The following PHACTR1 variants were observed in gnomAD, a reference collection of about 807,000 sequenced individuals.
The protein encoded by PHACTR1 is RPEL repeat containing 1.
PHACTR1 carries 16 observed loss-of-function variants against 69.2 expected under a neutral mutation model. The observed-to-expected ratio is 0.23, with a 90% CI of 0.16 to 0.35. PHACTR1 has a LOEUF of 0.35. Ranked by LOEUF, PHACTR1 falls within the 10% of genes least tolerant of loss-of-function variation. The pLI, the probability that PHACTR1 is intolerant of heterozygous loss-of-function variation, is 1.00. For missense variants in PHACTR1, 510 were observed against 734.7 expected (o/e 0.69, Z 3.54); for synonymous variants, 312 against 284.5 (o/e 1.10, Z -0.97).
At chr6:12,869,855 C>T (rs952747188) in intron 4 of PHACTR1, among the ~76,000 whole-genome samples, 35 of 152,156 alleles carry the variant, frequency 2.3e-4, no homozygotes, top group African/African-American at 8.4e-4. Context: ...AGTGTAAAGT[C>T]AATGAACTTG....
intron 4 of PHACTR1, among the ~76,000 whole-genome samples, chr6:12,780,736 G>C (rs1378656449): frequency 6.6e-6 from 1 of 152,140 alleles, no homozygotes; most frequent in Non-Finnish European, 1.5e-5. Context: ...ACCTGAAAAA[G>C]GCATCCAGGT....
intron 4 of PHACTR1, among the ~76,000 whole-genome samples, chr6:12,894,379 C>T (rs1347673339): frequency 6.6e-6 from 1 of 152,124 alleles, no homozygotes; most frequent in African/African-American, 2.4e-5. Flanking sequence ...CAAAGGCAGG[C>T]AGATCACTTG....
At chr6:12,965,757 A>G (rs1463193086) in intron 4 of PHACTR1, among the ~76,000 whole-genome samples, 1 of 152,182 alleles carries the variant, frequency 6.6e-6, no homozygotes, top group African/African-American at 2.4e-5. Context: ...GTCACCTTGC[A>G]TTTCCTCCAG....
intron 4 of PHACTR1, among the ~76,000 whole-genome samples, chr6:12,851,216 G>A (rs1173740327): frequency 6.6e-6 from 1 of 152,184 alleles, no homozygotes; most frequent in African/African-American, 2.4e-5. Flanking sequence ...CCAGGGAAGT[G>A]GGTGCTGAGC....
chr6:12,784,788 C>T (rs1464883912), intron 4 of PHACTR1, among the ~76,000 whole-genome samples: 1 of 151,886 alleles, frequency 6.6e-6, no homozygotes, highest in African/African-American at 2.4e-5. Flanking sequence ...GATCTTGGCT[C>T]ACCGCAACCT....
rs549428710 is a variant in PHACTR1 at position 13,188,219 on chromosome 6, G to A, written c.664+5533G>A. Among the ~76,000 whole-genome samples the A allele has an allele frequency of 5.9e-5, 9 of 152,290 alleles. No homozygotes were observed. In the East Asian group the frequency reaches 1.2e-3, roughly 20 times the overall value. ...TAAAGTAAGACAGGTGGAGAAGTCC[G>A]TGGACTGCAAATCTAGTGCTATCCT... On this transcript the variant is annotated intron_variant, in intron 7 of 14. Coordinates refer to ENST00000332995, the MANE Select transcript of PHACTR1 (RefSeq NM_030948.6).
At chr6:12,865,475 TGTGTGCCTGC>T (rs1446702911) in intron 4 of PHACTR1, among the ~76,000 whole-genome samples, 3 of 151,998 alleles carry the variant, frequency 2.0e-5, no homozygotes, top group African/African-American at 7.3e-5. Context: ...TGTGTGTGTG[TGTGTGCCTGC>T]GTGTGTGTAG....
intron 10 of PHACTR1, among the ~76,000 whole-genome samples, chr6:13,239,310 G>A (rs141970685): frequency 5.3e-5 from 8 of 152,208 alleles, no homozygotes; most frequent in Non-Finnish European, 1.2e-4. Context: ...TACAACATTT[G>A]TACCACAAAT....
intron 4 of PHACTR1, among the ~76,000 whole-genome samples, chr6:12,850,143 A>T (rs2127757044): frequency 6.6e-6 from 1 of 152,314 alleles, no homozygotes; most frequent in Admixed American, 6.5e-5. Flanking sequence ...TGCCCTGGGC[A>T]AATTTTACCT....
intron 5 of PHACTR1, among the ~76,000 whole-genome samples, chr6:13,054,904 A>G (rs1309494589): frequency 6.6e-6 from 1 of 151,996 alleles, no homozygotes; most frequent in Non-Finnish European, 1.5e-5. Flanking sequence ...CAAAAACTCA[A>G]CCTGCCTTCT....
At chr6:13,121,329 TTAA>T (rs1304135920) in intron 5 of PHACTR1, among the ~76,000 whole-genome samples, 2 of 152,148 alleles carry the variant, frequency 1.3e-5, no homozygotes, top group East Asian at 3.9e-4. Context: ...ATCCTGTCAC[TTAA>T]TAGCTAGGTG....
At chr6:13,041,737 T>A (rs1804211014) in intron 4 of PHACTR1, among the ~76,000 whole-genome samples, 1 of 152,116 alleles carries the variant, frequency 6.6e-6, no homozygotes, top group African/African-American at 2.4e-5. Flanking sequence ...ACAGTATTAA[T>A]GGAGGGAAAG....
intron 4 of PHACTR1, among the ~76,000 whole-genome samples, chr6:12,777,727 G>T (rs1056536699): frequency 1.3e-5 from 2 of 148,986 alleles, no homozygotes; most frequent in South Asian, 4.2e-4. Flanking sequence ...TGCCTCCCAG[G>T]TTCAAGCAAT....
At chr6:12,933,032 T>G (rs1438856829) in intron 4 of PHACTR1, among the ~76,000 whole-genome samples, 5 of 151,016 alleles carry the variant, frequency 3.3e-5, no homozygotes, top group Non-Finnish European at 7.4e-5. Flanking sequence ...GCCTCCTGAG[T>G]TCAAGTGATT....
At chr6:12,749,869 G>A in intron 4 of PHACTR1, 79 bp downstream of exon 4, 2 of 1,298,824 alleles carry the variant, frequency 1.5e-6, no homozygotes, top group South Asian at 1.6e-5. Context: ...CGCCCCTCCC[G>A]GGCGTCCTCC....
intron 5 of PHACTR1, among the ~76,000 whole-genome samples, chr6:13,072,949 C>T (rs1025332624): frequency 2.6e-4 from 39 of 152,136 alleles, no homozygotes; most frequent in African/African-American, 8.2e-4. Flanking sequence ...TAGGATGTTC[C>T]GGCATTAGAC....
At chr6:12,864,524 C>CA (rs1781260026) in intron 4 of PHACTR1, among the ~76,000 whole-genome samples, 3 of 151,966 alleles carry the variant, frequency 2.0e-5, no homozygotes, top group African/African-American at 7.2e-5. Context: ...ACTAAAAATA[C>CA]AAAAAATTAG....
At chr6:12,880,559 A>G (rs1782990465) in intron 4 of PHACTR1, among the ~76,000 whole-genome samples, 1 of 152,128 alleles carries the variant, frequency 6.6e-6, no homozygotes, top group Non-Finnish European at 1.5e-5. Context: ...CCTGGCCTAG[A>G]ATTCATACTT....
chr6:12,997,154 C>T (rs1316233081), intron 4 of PHACTR1, among the ~76,000 whole-genome samples: 3 of 150,574 alleles, frequency 2.0e-5, no homozygotes, highest in South Asian at 2.1e-4. Context: ...GCAGCAAGAG[C>T]GAAATTCCAT....
Sources: gnomAD v4.1 joint callset for allele counts (sites outside exome capture counted in the v4.1 genomes callset) on GRCh38, gnomAD v4.1.1 for gene constraint, MANE v1.5 for transcripts, NCBI Gene and HGNC (gene_info 2026-07-23, HGNC 2026-07-21) for gene names.